Variants in TESMIN observed in about 807,000 individuals in gnomAD.
TESMIN encodes testis expressed metallothionein like protein.
Under a neutral mutation model 47.4 loss-of-function variants are expected in TESMIN, and 34 were observed. The observed-to-expected ratio is 0.72, with a 90% confidence interval of 0.55 to 0.96. The LOEUF (loss-of-function observed/expected upper bound fraction) is 0.96. Ranked by LOEUF, TESMIN falls within the 40% of genes least tolerant of loss-of-function variation. The pLI is 0.00. For synonymous variants in TESMIN, 278 were observed against 258.9 expected (o/e 1.07, Z -0.71); for missense variants, 610 against 637.2 (o/e 0.96, Z 0.46).
chr11:68,749,186 G>A (rs1402987660), intron 2 of TESMIN, among the ~76,000 whole-genome samples: 2 of 152,194 alleles, frequency 1.3e-5, no homozygotes, highest in African/African-American at 2.4e-5. Context: ...CCTGGGAAAC[G>A]GCTGGGGGAA....
intron 6 of TESMIN, among the ~76,000 whole-genome samples, chr11:68,734,776 A>G (rs1340334915): frequency 2.0e-5 from 3 of 152,212 alleles, no homozygotes; most frequent in African/African-American, 7.2e-5. Flanking sequence ...AGGGGTTGGT[A>G]ACTAATACAA....
At chr11:68,750,997 GCGGC>G in intron 1 of TESMIN, among the ~76,000 whole-genome samples, 1 of 116,114 alleles carries the variant, frequency 8.6e-6, no homozygotes, top group African/African-American at 3.4e-5. Flanking sequence ...GGTCAGGTGA[GCGGC>G]GACCAGGGGA....
chr11:68,717,364 A>G lies in TESMIN; in HGVS notation c.918-1425T>C, dbSNP rs148822381. 2.5e-3 allele frequency among the ~76,000 whole-genome samples: 382 copies of G among 152,292 alleles called. 5 individuals are homozygous for G. Among genetic ancestry groups the G allele is most frequent in the African/African-American group, 8.3e-3 (345 of 41,558 alleles). On this transcript the variant is annotated intron_variant, in intron 6 of 9. Coordinates refer to ENST00000255087, the MANE Select transcript of TESMIN (RefSeq NM_004923.3). ...AGCAGACAGGAGACAAAGTCTGGGC[A>G]TCAGACCAGAGACCCCTCATAAAGT...
At chr11:68,710,851 A>G in intron 9 of TESMIN, 23 bp downstream of exon 9, 3 of 1,587,480 alleles carry the variant, frequency 1.9e-6, no homozygotes, top group Non-Finnish European at 2.6e-6. Context: ...CTCTATTAGC[A>G]GAGGTTAGTT....
intron 6 of TESMIN, among the ~76,000 whole-genome samples, chr11:68,725,750 G>A (rs1009565896): frequency 6.6e-6 from 1 of 152,068 alleles, no homozygotes; most frequent in Admixed American, 6.5e-5. Flanking sequence ...TGGGACTACA[G>A]GTGTGAGCTA....
intron 5 of TESMIN, among the ~76,000 whole-genome samples, chr11:68,740,371 G>A (rs1309470076): frequency 6.6e-6 from 1 of 152,178 alleles, no homozygotes; most frequent in African/African-American, 2.4e-5. Context: ...TGTCCTTGAG[G>A]TCCATGCTGG....
Position 68,737,048 on chromosome 11 carries a change from A to C in TESMIN, c.917+1652T>G, listed in dbSNP as rs1029242956. The stretch of plus-strand genomic sequence containing the variant: ...ATACAGCACAGAGGCAATACTATTG[A>C]CCAGATGCCCCCAGATTACAAGAAA... On this transcript the variant is annotated intron_variant, in intron 6 of 9. Coordinates refer to ENST00000255087, the MANE Select transcript of TESMIN (RefSeq NM_004923.3). 1.1e-5 allele frequency: 11 copies of C among 985,322 alleles called. No homozygotes were observed. In the African/African-American group the frequency reaches 1.9e-4, roughly 17 times the overall value. The allele number at this position is 985,322 out of a possible 1,614,324, so 61.0% of individuals were successfully genotyped here.
rs1050149700 is a variant in TESMIN at position 68,742,454 on chromosome 11, G to A, written c.752-60C>T. Reference sequence around the variant, plus strand: ...TCTATCGTTCCTCTTCCACTTACACGTGGATGAAAGTACAAAAGTCTGTTA... The same window carrying A: ...TCTATCGTTCCTCTTCCACTTACACATGGATGAAAGTACAAAAGTCTGTTA... On this transcript the variant is annotated intron_variant, in intron 4 of 9. Transcript: ENST00000255087. The A allele has an allele frequency of 2.6e-5, 28 of 1,077,366 alleles. No homozygotes were observed. In the African/African-American group the frequency reaches 3.2e-4, roughly 12 times the overall value. 66.7% of individuals were successfully genotyped at this position (1,077,366 alleles called of 1,614,324 possible). A position where few individuals can be genotyped will look rare whatever the true frequency, so the allele number is the denominator to read the frequency against.
chr11:68,720,157 T>G (rs1359223571), intron 6 of TESMIN, among the ~76,000 whole-genome samples: 1 of 152,182 alleles, frequency 6.6e-6, no homozygotes, highest in Non-Finnish European at 1.5e-5. Flanking sequence ...GCATACCCAG[T>G]AAAAGTATGT....
chr11:68,738,884 C>T (rs936841007), intron 5 of TESMIN, 96 bp from the exon 6 acceptor site: 2 of 1,078,278 alleles, frequency 1.9e-6, no homozygotes, highest in Non-Finnish European at 2.8e-6. Flanking sequence ...CTTTTTTTCC[C>T]TAAAGGTTTA....
Position 68,708,275 on chromosome 11 carries a change from A to G in TESMIN, c.*33T>C, listed in dbSNP as rs371183875. The G allele has an allele frequency of 2.4e-4, 365 of 1,531,358 alleles. No individual in the cohort carries two copies. Among genetic ancestry groups the G allele is most frequent in the Admixed American group, 2.6e-4 (13 of 49,638 alleles). The allele number at this position is 1,531,358 out of a possible 1,614,324, so 94.9% of individuals were successfully genotyped here. ...TTCTAAACTAGAGATTTCTAGACTA[A>G]GACAAAATCAACATGCATTCACACT... On this transcript the variant is annotated 3_prime_UTR_variant, in exon 10 of 10. Transcript: ENST00000255087.
At chr11:68,713,827 A>G (rs1296114612) in intron 7 of TESMIN, among the ~76,000 whole-genome samples, 2 of 152,078 alleles carry the variant, frequency 1.3e-5, no homozygotes, top group Non-Finnish European at 2.9e-5. Flanking sequence ...GCTTCTTTCC[A>G]TGGGATTTAT....
rs1946051699 is a variant in TESMIN, at chr11:68,710,583, T to C, written c.1334+291A>G. On this transcript the variant is annotated intron_variant, in intron 9 of 9. Coordinates refer to ENST00000255087, the MANE Select transcript of TESMIN (RefSeq NM_004923.3). ...AGTGTCAGAACTCTGCTAGCCCTGC[T>C]GGTGATCCTGGCAGCAGGGCTCTTT... is the stretch of plus-strand genomic sequence containing the variant. The C allele has an allele frequency of 8.3e-6, 3 of 359,834 alleles. No homozygotes were observed. The South Asian group carries it at 1.9e-4, about 23-fold the overall frequency. 22.3% of individuals were successfully genotyped at this position (359,834 alleles called of 1,614,324 possible). A position where few individuals can be genotyped will look rare whatever the true frequency, so the allele number is the denominator to read the frequency against.
intron 6 of TESMIN, among the ~76,000 whole-genome samples, chr11:68,735,484 G>C (rs1043200461): frequency 1.3e-5 from 2 of 152,232 alleles, no homozygotes; most frequent in Non-Finnish European, 2.9e-5. Flanking sequence ...ATAAATCACT[G>C]TGTGGCCAGG....
chr11:68,742,468 A>G, intron 4 of TESMIN, 74 bp from the exon 5 acceptor site: 3 of 953,400 alleles, frequency 3.1e-6, no homozygotes. Context: ...ATGAAAGTAC[A>G]AAAGTCTGTT....
Position 68,708,182 on chromosome 11 carries a change from T to A in TESMIN, c.*126A>T. ...TTCAGAGAGCTCTGAGTAAACTCCC[T>A]GGGCCCAGGGATGCAGGGGAGCCTG... On this transcript the variant is annotated 3_prime_UTR_variant, in exon 10 of 10. Coordinates refer to ENST00000255087, the MANE Select transcript of TESMIN (RefSeq NM_004923.3). The A allele has an allele frequency of 3.2e-6, 3 of 945,412 alleles. No individual in the cohort carries two copies. Among genetic ancestry groups the A allele is most frequent in the Non-Finnish European group, 3.2e-6 (2 of 630,122 alleles). The allele number at this position is 945,412 out of a possible 1,614,324, so 58.6% of individuals were successfully genotyped here. A position where few individuals can be genotyped will look rare whatever the true frequency, so the allele number is the denominator to read the frequency against.
chr11:68,745,100 T>A lies in TESMIN; in HGVS notation c.642A>T (p.Gln214His). The A allele has an allele frequency of 6.3e-7, 1 of 1,578,416 alleles. No homozygotes were observed. The highest frequency in any genetic ancestry group is 1.2e-5 in the South Asian group (1 of 82,874). The part of the protein sequence containing the change: ...KKDSNPMVIC[Q>H]LKGGTQMLCI... ...ATAGCATTTGTGTGCCCCCTTTCAA[T>A]TGGCATATCACCTAAAATGAAAAAG... The change falls in exon 4 of 10, where the codon CAA becomes CAT. Residue 214 changes from glutamine (Q) to histidine (H), a missense_variant. Transcript: ENST00000255087.
chr11:68,749,352 A>T (rs1364702201), intron 2 of TESMIN, among the ~76,000 whole-genome samples: 1 of 152,250 alleles, frequency 6.6e-6, no homozygotes, highest in Non-Finnish European at 1.5e-5. Flanking sequence ...CTTATGATAC[A>T]GGGTCAGGCT....
At chr11:68,713,798 T>C (rs577496042) in intron 7 of TESMIN, among the ~76,000 whole-genome samples, 10 of 152,278 alleles carry the variant, frequency 6.6e-5, no homozygotes, top group Admixed American at 2.0e-4. Flanking sequence ...TGATCACAAC[T>C]CAACACACCA....
Sources: gnomAD v4.1 joint callset for allele counts (sites outside exome capture counted in the v4.1 genomes callset) on GRCh38, gnomAD v4.1.1 for gene constraint, MANE v1.5 for transcripts, NCBI Gene and HGNC (gene_info 2026-07-23, HGNC 2026-07-21) for gene names.